Variants in TMEM135 observed in about 807,000 individuals in gnomAD.
The protein encoded by TMEM135 is peroxisomal membrane protein 52.
TMEM135 carries 30 observed loss-of-function variants against 60.3 expected under a neutral mutation model. That is an observed-to-expected ratio of 0.50 (90% CI 0.37 to 0.68). The LOEUF (loss-of-function observed/expected upper bound fraction) is 0.68. TMEM135 is among the 30% of genes least tolerant of loss of function. The pLI is 0.00. For synonymous variants in TMEM135, 190 were observed against 186.7 expected (o/e 1.02, Z -0.14); for missense variants, 468 against 548.8 (o/e 0.85, Z 1.47).
At chr11:87,195,022 A>G (rs1939902015) in intron 5 of TMEM135, among the ~76,000 whole-genome samples, 1 of 152,222 alleles carries the variant, frequency 6.6e-6, no homozygotes, top group South Asian at 2.1e-4. Context: ...GAAACAAAGC[A>G]TGCCTTTTAT....
chr11:87,245,298 G>T (rs1161549707), intron 6 of TMEM135, among the ~76,000 whole-genome samples: 1 of 147,788 alleles, frequency 6.8e-6, no homozygotes, highest in Non-Finnish European at 1.5e-5. Flanking sequence ...GAATAGGTGT[G>T]GTGTGGTGCT....
At chr11:87,235,077 A>C (rs117389134) in intron 5 of TMEM135, among the ~76,000 whole-genome samples, 3,159 of 152,094 alleles carry the variant, frequency 0.021, 34 homozygotes, top group South Asian at 0.033. Flanking sequence ...AATTTAAAAA[A>C]ATTGAGTGTC....
At chr11:87,058,859 A>T (rs1258119745) in intron 1 of TMEM135, among the ~76,000 whole-genome samples, 2 of 151,978 alleles carry the variant, frequency 1.3e-5, no homozygotes, top group African/African-American at 4.8e-5. Context: ...TGACCTCATG[A>T]TCTGCCTGCC....
intron 5 of TMEM135, among the ~76,000 whole-genome samples, chr11:87,190,138 G>C (rs540824686): frequency 6.6e-6 from 1 of 152,186 alleles, no homozygotes; most frequent in South Asian, 2.1e-4. Context: ...TGTGAAATAG[G>C]TTCTACTTGT....
intron 1 of TMEM135, among the ~76,000 whole-genome samples, chr11:87,039,898 A>G (rs1949736022): frequency 6.6e-6 from 1 of 152,220 alleles, no homozygotes; most frequent in African/African-American, 2.4e-5. Context: ...ATTATAGTCT[A>G]TGATAGGGAC....
At chr11:87,060,887 C>T (rs907895403) in intron 1 of TMEM135, among the ~76,000 whole-genome samples, 5 of 152,058 alleles carry the variant, frequency 3.3e-5, no homozygotes, top group Admixed American at 2.0e-4. Flanking sequence ...CGTGATCTGC[C>T]CGCCTCGGCC....
chr11:87,191,243 AT>A (rs10639049), intron 5 of TMEM135, among the ~76,000 whole-genome samples: 155 of 145,364 alleles, frequency 1.1e-3, no homozygotes, highest in East Asian at 1.6e-3. Context: ...CTTTGGCAGT[AT>A]TTTTTTTTTT....
intron 4 of TMEM135, among the ~76,000 whole-genome samples, chr11:87,136,254 G>C (rs1376258659): frequency 6.6e-6 from 1 of 151,944 alleles, no homozygotes; most frequent in African/African-American, 2.4e-5. Flanking sequence ...TATGTCAGAT[G>C]CTTTTTCTGT....
chr11:87,125,650 G>A (rs2932120), intron 4 of TMEM135, among the ~76,000 whole-genome samples: 72,428 of 151,994 alleles, frequency 0.48, 17,551 homozygotes, highest in East Asian at 0.67. Context: ...CGGACTTTAA[G>A]TGTAATAGAA....
chr11:87,305,075 A>G (rs1267596945), intron 8 of TMEM135, among the ~76,000 whole-genome samples: 1 of 152,154 alleles, frequency 6.6e-6, no homozygotes. Flanking sequence ...CTCTATTTCT[A>G]TATTTATTTC....
intron 5 of TMEM135, among the ~76,000 whole-genome samples, chr11:87,218,904 GTGAGCTC>G (rs2135351509): frequency 6.6e-6 from 1 of 152,320 alleles, no homozygotes; most frequent in Admixed American, 6.5e-5. Flanking sequence ...AGAGGTTGCA[GTGAGCTC>G]TGATCACGCC....
In TMEM135 at chr11:87,037,962, G is replaced by A. The variant is rs777542785; in HGVS notation, c.-84G>A. 1.3e-6 allele frequency: 2 copies of A among 1,598,302 alleles called. No homozygotes were observed. Among genetic ancestry groups the A allele is most frequent in the Non-Finnish European group, 8.5e-7 (1 of 1,173,280 alleles). ...CCGCACCTCCGAGTGCTGGCCGGGC[G>A]AGAGGCTGGCGGCTGGGCTCTCGCG... On this transcript the variant is annotated 5_prime_UTR_variant, in exon 1 of 15. Transcript: ENST00000305494.
At position 87,112,162 on chromosome 11, in the gene TMEM135, A is replaced by T. The variant is rs536207562; in HGVS notation, c.396+20767A>T. On this transcript the variant is annotated intron_variant, in intron 4 of 14. Coordinates refer to ENST00000305494, the MANE Select transcript of TMEM135 (RefSeq NM_022918.4). ...GCAATGCTTATAAAAATTTAGCACT[A>T]CTATGACAGCCTTAGGCAGCCTCAG... 5.3e-5 allele frequency among the ~76,000 whole-genome samples: 8 copies of T among 152,350 alleles called. No individual in the cohort carries two copies. The East Asian group carries it at 1.5e-3, about 29-fold the overall frequency.
chr11:87,224,802 G>T (rs1176465445), intron 5 of TMEM135, among the ~76,000 whole-genome samples: 4 of 147,914 alleles, frequency 2.7e-5, no homozygotes, highest in Non-Finnish European at 4.5e-5. Flanking sequence ...TAACATGTTT[G>T]GCAGCATTAG....
intron 4 of TMEM135, among the ~76,000 whole-genome samples, chr11:87,143,547 A>G (rs1235420796): frequency 6.6e-6 from 1 of 151,960 alleles, no homozygotes; most frequent in Non-Finnish European, 1.5e-5. Flanking sequence ...CTTTCACCTG[A>G]GCTGTGTGCA....
chr11:87,171,737 C>G (rs1006855301), intron 5 of TMEM135, among the ~76,000 whole-genome samples: 1 of 152,048 alleles, frequency 6.6e-6, no homozygotes, highest in African/African-American at 2.4e-5. Context: ...TAGTGGTGTC[C>G]GACCTTTTTG....
intron 5 of TMEM135, among the ~76,000 whole-genome samples, chr11:87,163,184 C>A (rs1159151119): frequency 8.4e-6 from 1 of 118,376 alleles, no homozygotes; most frequent in South Asian, 3.7e-4. Flanking sequence ...CTATCCCTCC[C>A]CCCTCCCCCG....
chr11:87,138,137 C>T (rs1938158753), intron 4 of TMEM135, among the ~76,000 whole-genome samples: 1 of 147,712 alleles, frequency 6.8e-6, no homozygotes, highest in Admixed American at 6.9e-5. Flanking sequence ...GTCACCCAGG[C>T]TGGAGTGCAG....
At chr11:87,159,620 A>C (rs532668268) in intron 5 of TMEM135, among the ~76,000 whole-genome samples, 1 of 89,060 alleles carries the variant, frequency 1.1e-5, no homozygotes, top group African/African-American at 4.3e-5. Flanking sequence ...CACACACACC[A>C]TAGATTTTCC....
Sources: allele counts gnomAD v4.1 joint callset (sites outside exome capture counted in the v4.1 genomes callset), GRCh38; gene constraint gnomAD v4.1.1; transcripts MANE v1.5; gene names NCBI Gene and HGNC (gene_info 2026-07-23, HGNC 2026-07-21).